NELL2: variants seen among roughly 807,000 people sequenced by gnomAD.
NELL2 encodes the protein protein kinase C-binding protein NELL2.
Under a neutral mutation model 109.6 loss-of-function variants are expected in NELL2, and 41 were observed. That is an observed-to-expected ratio of 0.37 (90% CI 0.29 to 0.49). The LOEUF (loss-of-function observed/expected upper bound fraction) is 0.49, where lower values mean the gene tolerates loss of function less well. Ranked by LOEUF, NELL2 falls within the 20% of genes least tolerant of loss-of-function variation. The pLI, the probability that NELL2 is intolerant of heterozygous loss-of-function variation, is 0.98. For synonymous variants in NELL2, 355 were observed against 344.7 expected (o/e 1.03, Z -0.33); for missense variants, 900 against 1,008.3 (o/e 0.89, Z 1.45).
At chr12:44,753,953 T>C (rs1940767213) in intron 9 of NELL2, among the ~76,000 whole-genome samples, 1 of 152,204 alleles carries the variant, frequency 6.6e-6, no homozygotes, top group Non-Finnish European at 1.5e-5. Flanking sequence ...TTCAAAATGT[T>C]AGCCATCTAG....
At chr12:44,767,234 G>A (rs1941370257) in intron 9 of NELL2, among the ~76,000 whole-genome samples, 2 of 152,154 alleles carry the variant, frequency 1.3e-5, no homozygotes, top group Non-Finnish European at 2.9e-5. Flanking sequence ...GGTAAAATAA[G>A]AATGTTTGGG....
intron 15 of NELL2, among the ~76,000 whole-genome samples, chr12:44,566,246 T>C (rs984591782): frequency 6.6e-6 from 1 of 152,130 alleles, no homozygotes; most frequent in Non-Finnish European, 1.5e-5. Context: ...GATTTTTTAG[T>C]GTACTGAATT....
At chr12:44,862,057 C>T (rs2658960) in intron 2 of NELL2, among the ~76,000 whole-genome samples, 6 of 151,560 alleles carry the variant, frequency 4.0e-5, no homozygotes, top group African/African-American at 1.5e-4. Flanking sequence ...CATGACAAAG[C>T]ATCCAAAACA....
intron 12 of NELL2, among the ~76,000 whole-genome samples, chr12:44,670,772 C>T (rs1000022207): frequency 6.6e-6 from 1 of 151,866 alleles, no homozygotes; most frequent in Non-Finnish European, 1.5e-5. Context: ...ATTGTATACG[C>T]ACCTAACACA....
At chr12:44,555,641 C>A (rs1159429610) in intron 15 of NELL2, among the ~76,000 whole-genome samples, 1 of 152,036 alleles carries the variant, frequency 6.6e-6, no homozygotes, top group African/African-American at 2.4e-5. Context: ...ATTTCAGGCC[C>A]ACTGTATTAA....
intron 12 of NELL2, among the ~76,000 whole-genome samples, chr12:44,681,378 ACC>A (rs908505632): frequency 2.7e-5 from 4 of 147,090 alleles, no homozygotes; most frequent in African/African-American, 1.0e-4. Context: ...TGTTGGCATA[ACC>A]CTTTTTTATT....
intron 1 of NELL2, among the ~76,000 whole-genome samples, chr12:44,912,688 A>G (rs1945793060): frequency 6.6e-6 from 1 of 152,170 alleles, no homozygotes; most frequent in Admixed American, 6.5e-5. Context: ...GCTAAGCCTA[A>G]TAGTGCATAA....
intron 15 of NELL2, among the ~76,000 whole-genome samples, chr12:44,591,515 G>A (rs1944748689): frequency 6.6e-6 from 1 of 152,040 alleles, no homozygotes; most frequent in African/African-American, 2.4e-5. Flanking sequence ...AATAAGCCAG[G>A]TGCAGAAAGA....
intron 1 of NELL2, among the ~76,000 whole-genome samples, chr12:44,912,328 G>T (rs989547780): frequency 6.6e-6 from 1 of 151,946 alleles, no homozygotes; most frequent in Non-Finnish European, 1.5e-5. Context: ...TAGTTCTATG[G>T]GATGTTGAAA....
At chr12:44,663,617 AG>A (rs751406199) in intron 13 of NELL2, among the ~76,000 whole-genome samples, 57 of 152,322 alleles carry the variant, frequency 3.7e-4, no homozygotes, top group Admixed American at 1.0e-3. Context: ...TGAAATGGTA[AG>A]GGAAAATTCC....
chr12:44,673,627 T>C (rs1185645927), intron 12 of NELL2, among the ~76,000 whole-genome samples: 6 of 152,206 alleles, frequency 3.9e-5, no homozygotes, highest in Non-Finnish European at 7.3e-5. Context: ...ACATGGACCT[T>C]CGCATCCCAT....
intron 14 of NELL2, among the ~76,000 whole-genome samples, chr12:44,609,904 TG>T (rs1283925054): frequency 3.9e-5 from 6 of 152,070 alleles, no homozygotes; most frequent in Non-Finnish European, 8.8e-5. Context: ...TCAGCAGTTT[TG>T]AAGCTTAAAA....
intron 13 of NELL2, among the ~76,000 whole-genome samples, chr12:44,637,042 A>T (rs1386327250): frequency 6.6e-6 from 1 of 151,902 alleles, no homozygotes; most frequent in Non-Finnish European, 1.5e-5. Flanking sequence ...ATTTGCATAG[A>T]GGTGTTTATA....
chr12:44,687,579 T>G (rs1431836474), intron 12 of NELL2, among the ~76,000 whole-genome samples: 1 of 152,232 alleles, frequency 6.6e-6, no homozygotes, highest in Non-Finnish European at 1.5e-5. Context: ...TAGTTCTTCT[T>G]TTTGAAAGCT....
At chr12:44,876,553 G>A (rs535314798), upstream of NELL2, 223 of 1,466,470 alleles carry the variant, frequency 1.5e-4, no homozygotes, top group African/African-American at 2.7e-3. Flanking sequence ...CTCCTTTCGG[G>A]ATTGAAAGCT....
At chr12:44,618,823 C>G (rs1164025852) in intron 13 of NELL2, among the ~76,000 whole-genome samples, 1 of 152,188 alleles carries the variant, frequency 6.6e-6, no homozygotes, top group Admixed American at 6.5e-5. Flanking sequence ...TAAGTGCTTA[C>G]TACAGACTGC....
At position 44,859,875 on chromosome 12, in the gene NELL2, C is replaced by T. The variant is rs549516454; in HGVS notation, c.184+15350G>A. On this transcript the variant is annotated intron_variant, in intron 2 of 19. Coordinates refer to ENST00000429094, the MANE Select transcript of NELL2 (RefSeq NM_001145108.2). ...AATCAAGGCAGTGTTCCTCTGATAT[C>T]CCTTGTACTTTTCAGAGGGGTCTTC... is the stretch of plus-strand genomic sequence containing the variant. 7.9e-5 allele frequency among the ~76,000 whole-genome samples: 12 copies of T among 152,218 alleles called. No homozygotes were observed. In the East Asian group the frequency reaches 2.1e-3, roughly 27 times the overall value.
At chr12:44,583,375 T>C (rs901577156) in intron 15 of NELL2, among the ~76,000 whole-genome samples, 5 of 152,232 alleles carry the variant, frequency 3.3e-5, no homozygotes, top group African/African-American at 4.8e-5. Context: ...TTTGTTTCCA[T>C]GGATGTTGCC....
chr12:44,775,275 C>CGTGCGCACGCACGCACACACACAGGCA (rs1941713674), intron 8 of NELL2, among the ~76,000 whole-genome samples: 4 of 146,368 alleles, frequency 2.7e-5, no homozygotes, highest in African/African-American at 1.1e-4. Flanking sequence ...ACACACAGTT[C>CGTGCGCACGCACGCACACACACAGGCA]TGAACTACTT....
Sources: gnomAD v4.1 joint callset for allele counts (sites outside exome capture counted in the v4.1 genomes callset) on GRCh38, gnomAD v4.1.1 for gene constraint, MANE v1.5 for transcripts, NCBI Gene and HGNC (gene_info 2026-07-23, HGNC 2026-07-21) for gene names.